RAB3GAP2: variants seen among roughly 807,000 people sequenced by gnomAD.
RAB3GAP2 encodes RAB3 GTPase activating non-catalytic protein subunit 2.
In RAB3GAP2, 87 loss-of-function variants were observed where a neutral mutation model predicts 185.3. The observed-to-expected ratio is 0.47, with a 90% CI of 0.39 to 0.56. RAB3GAP2 has a LOEUF of 0.56. Ranked by LOEUF, RAB3GAP2 falls within the 20% of genes least tolerant of loss-of-function variation. RAB3GAP2 has a pLI of 0.00. For synonymous variants in RAB3GAP2, 554 were observed against 576.1 expected, an observed-to-expected ratio of 0.96 and a Z score of 0.55; for missense variants, 1,492 against 1,638.2, an observed-to-expected ratio of 0.91 and a Z score of 1.54.
chr1:220,216,029 G>A (rs1241261307), intron 2 of RAB3GAP2, among the ~76,000 whole-genome samples: 1 of 152,054 alleles, frequency 6.6e-6, no homozygotes, highest in Non-Finnish European at 1.5e-5. Flanking sequence ...ATTTCTTGCT[G>A]GGATACCATC....
At chr1:220,210,242 A>AG (rs1369387110) in intron 7 of RAB3GAP2, 146 bp downstream of exon 7, 1 of 742,522 alleles carries the variant, frequency 1.3e-6, no homozygotes, top group African/African-American at 1.7e-5. Flanking sequence ...AGCTACAAAT[A>AG]GATTATATTT....
intron 9 of RAB3GAP2, 82 bp from the exon 10 acceptor site, chr1:220,196,480 T>C: frequency 7.5e-7 from 1 of 1,331,192 alleles, no homozygotes; most frequent in Non-Finnish European, 1.1e-6. Context: ...TCTAAGATGC[T>C]AAATGTTTAG....
chr1:220,164,449 TTTTTTTGTTTTG>T (rs946348090), intron 27 of RAB3GAP2, among the ~76,000 whole-genome samples: 22 of 150,600 alleles, frequency 1.5e-4, no homozygotes, highest in South Asian at 4.2e-4. Flanking sequence ...AGTACTGTTT[TTTTTTTGTTTTG>T]TTTTTTGTTT....
intron 1 of RAB3GAP2, among the ~76,000 whole-genome samples, chr1:220,237,898 AC>A (rs1249541629): frequency 5.3e-5 from 8 of 151,890 alleles, no homozygotes; most frequent in South Asian, 2.1e-4. Flanking sequence ...AAAAAAAAAA[AC>A]AACAGGTGAA....
Position 220,232,830 on chromosome 1 carries a change from C to G in RAB3GAP2, c.149G>C (p.Gly50Ala). The G allele has an allele frequency of 1.2e-6, 2 of 1,613,814 alleles. No homozygotes were observed. The highest frequency in any genetic ancestry group is 1.7e-6 in the Non-Finnish European group (2 of 1,179,824). The change falls in exon 2 of 35, where the codon GGA (glycine) becomes GCA (alanine). Residue 50 changes from glycine (G) to alanine (A), a missense_variant. Gly to Ala is a moderately conservative substitution (Grantham distance 60). Transcript: ENST00000358951. ...KSTDWEDDGWGAWEENEPQEP... is the reference protein window; with the variant it reads ...KSTDWEDDGWAAWEENEPQEP... Reference sequence around the variant, plus strand: ...TTGTGGTTCATTTTCTTCCCATGCTCCCCAACCATCATCTTCCCAGTCTGT... The same window carrying G: ...TTGTGGTTCATTTTCTTCCCATGCTGCCCAACCATCATCTTCCCAGTCTGT...
At chr1:220,173,012 T>C (rs1206690605) in intron 21 of RAB3GAP2, among the ~76,000 whole-genome samples, 1 of 152,200 alleles carries the variant, frequency 6.6e-6, no homozygotes, top group Non-Finnish European at 1.5e-5. Context: ...CAAATCTCTA[T>C]TAAGGAGCAT....
Position 220,195,185 on chromosome 1 carries a change from T to G in RAB3GAP2, c.1041-18A>C, listed in dbSNP as rs73098579. On this transcript the variant is annotated intron_variant, in intron 11 of 34. Transcript: ENST00000358951. ...GCCAACCACTGAAAAGAAAGAAAAC[T>G]TAGAATATAAAACTGAGCTTCCAGG... 0.04 allele frequency: 64,369 copies of G among 1,613,398 alleles called. 1,545 individuals are homozygous for G. Among genetic ancestry groups the G allele is most frequent in the African/African-American group, 0.08 (5,985 of 74,998 alleles).
At chr1:220,160,095 C>T (rs984931265) in intron 28 of RAB3GAP2, among the ~76,000 whole-genome samples, 6 of 151,912 alleles carry the variant, frequency 3.9e-5, no homozygotes, top group Non-Finnish European at 8.8e-5. Context: ...AAGAATTCAG[C>T]TTGTTGATAA....
At chr1:220,205,454 T>C (rs1658947151) in intron 8 of RAB3GAP2, among the ~76,000 whole-genome samples, 1 of 152,144 alleles carries the variant, frequency 6.6e-6, no homozygotes, top group African/African-American at 2.4e-5. Flanking sequence ...CATAGCTTTA[T>C]TCTCAGGGAG....
intron 8 of RAB3GAP2, among the ~76,000 whole-genome samples, chr1:220,205,512 C>A (rs780631230): frequency 3.3e-5 from 5 of 152,146 alleles, no homozygotes; most frequent in Non-Finnish European, 4.4e-5. Context: ...TGGCCTTGAT[C>A]AGCTGCTGAT....
chr1:220,193,409 A>G (rs746786974), intron 12 of RAB3GAP2, 30 bp from the exon 13 acceptor site: 1 of 1,606,456 alleles, frequency 6.2e-7, no homozygotes, highest in Non-Finnish European at 8.5e-7. Context: ...AAAATGCTCA[A>G]ATCACATTCC....
intron 1 of RAB3GAP2, among the ~76,000 whole-genome samples, chr1:220,241,011 C>G (rs1321024820): frequency 6.6e-6 from 1 of 151,904 alleles, no homozygotes; most frequent in East Asian, 1.9e-4. Context: ...TAAATGAAAC[C>G]TTCAAACCAT....
Position 220,158,315 on chromosome 1 carries a change from G to A in RAB3GAP2, c.3262-439C>T, listed in dbSNP as rs2808025. Among the ~76,000 whole-genome samples the A allele has an allele frequency of 0.04, 6,147 of 152,152 alleles. 421 individuals carry two copies. Among genetic ancestry groups the A allele is most frequent in the African/African-American group, 0.14 (5,759 of 41,506 alleles). ...AGAGCGTCTTTTAGAGACTGAACCC[G>A]ACCCTCTGAGCAAAACTAGAATCCT... On this transcript the variant is annotated intron_variant, in intron 29 of 34. Coordinates refer to ENST00000358951, the MANE Select transcript of RAB3GAP2 (RefSeq NM_012414.4). The surrounding 1 kb of genome is among the most constrained non-coding windows in gnomAD (Gnocchi z 4.3).
chr1:220,238,230 A>T (rs1184237620), intron 1 of RAB3GAP2, among the ~76,000 whole-genome samples: 1 of 152,026 alleles, frequency 6.6e-6, no homozygotes, highest in Non-Finnish European at 1.5e-5. Context: ...TTTTTTGTAG[A>T]GATGAAGCCT....
intron 20 of RAB3GAP2, 21 bp downstream of exon 20, chr1:220,182,697 C>T (rs1658434376): frequency 2.6e-6 from 4 of 1,510,564 alleles, no homozygotes; most frequent in Middle Eastern, 4.9e-4. Flanking sequence ...CATACAAAGA[C>T]CAGTGTATTA....
At chr1:220,175,281 C>T (rs1193486258) in intron 21 of RAB3GAP2, among the ~76,000 whole-genome samples, 1 of 151,724 alleles carries the variant, frequency 6.6e-6, no homozygotes, top group Non-Finnish European at 1.5e-5. Flanking sequence ...GGTTGGAGTG[C>T]AGTGGCGCGA....
At chr1:220,233,825 G>A (rs369277966) in intron 1 of RAB3GAP2, among the ~76,000 whole-genome samples, 1 of 151,890 alleles carries the variant, frequency 6.6e-6, no homozygotes, top group African/African-American at 2.4e-5. Flanking sequence ...CTCAGTCTCT[G>A]GAGTAGCTGG....
In RAB3GAP2 at chr1:220,151,635, GTGGAAGTC is replaced by G; in HGVS notation, c.3989_3996del (p.Arg1330ThrfsTer19). 1 of 1,612,202 alleles carries G rather than the reference GTGGAAGTC, an allele frequency of 6.2e-7. No homozygotes were observed. The highest frequency in any genetic ancestry group is 8.5e-7 in the Non-Finnish European group (1 of 1,178,268). Reference sequence around the variant, plus strand: ...GCTTTCAGCCAAGTACACAGTGTGGGTGGAAGTCTGGCAAGCAGCTCCATTCCTTCTTT... The same window carrying G: ...GCTTTCAGCCAAGTACACAGTGTGGGTGGCAAGCAGCTCCATTCCTTCTTT... On this transcript the variant is annotated frameshift_variant, in exon 34 of 35. Coordinates refer to ENST00000358951, the MANE Select transcript of RAB3GAP2 (RefSeq NM_012414.4). LOFTEE classifies it high-confidence loss of function.
chr1:220,190,298 C>T, intron 15 of RAB3GAP2, 79 bp downstream of exon 15: 1 of 1,591,010 alleles, frequency 6.3e-7, no homozygotes. Flanking sequence ...ATAGCAACTA[C>T]AAAAGAGAGT....
Sources: gnomAD v4.1 joint callset for allele counts (sites outside exome capture counted in the v4.1 genomes callset) on GRCh38, gnomAD v4.1.1 for gene constraint, Gnocchi (gnomAD v3.1) non-coding constraint, MANE v1.5 for transcripts, NCBI Gene and HGNC (gene_info 2026-07-23, HGNC 2026-07-21) for gene names.